The following FOCAD variants were observed in gnomAD, a reference collection of about 807,000 sequenced individuals.
FOCAD encodes focadhesin.
In FOCAD, 198 loss-of-function variants were observed where a neutral mutation model predicts 225.6. The observed-to-expected ratio is 0.88, with a 90% CI of 0.78 to 0.99. FOCAD has a LOEUF of 0.99. Among genes scored for constraint, FOCAD ranks in the 50% least tolerant of loss-of-function variants. FOCAD has a pLI of 0.00. For missense variants in FOCAD, 2,713 were observed against 2,123.6 expected (o/e 1.28, Z -5.46); for synonymous variants, 897 against 755.0 (o/e 1.19, Z -3.08).
intron 2 of FOCAD, among the ~76,000 whole-genome samples, chr9:20,717,047 T>C (rs1444721723): frequency 6.6e-6 from 1 of 152,228 alleles, no homozygotes; most frequent in African/African-American, 2.4e-5. Context: ...TCAGTTCTTA[T>C]TACTATTCCT....
At chr9:20,869,034 G>A (rs1339397742) in intron 18 of FOCAD, among the ~76,000 whole-genome samples, 1 of 152,228 alleles carries the variant, frequency 6.6e-6, no homozygotes, top group African/African-American at 2.4e-5. Flanking sequence ...ATACAGCCTG[G>A]TCGGTGCTTC....
At chr9:20,884,013 T>C (rs1225878700) in intron 20 of FOCAD, among the ~76,000 whole-genome samples, 1 of 152,146 alleles carries the variant, frequency 6.6e-6, no homozygotes, top group Non-Finnish European at 1.5e-5. Context: ...AGTGAGTGTA[T>C]GTGAATACAG....
chr9:20,722,077 G>A (rs191857223), intron 4 of FOCAD, among the ~76,000 whole-genome samples: 348 of 140,286 alleles, frequency 2.5e-3, no homozygotes, highest in African/African-American at 9.0e-3. Flanking sequence ...TTTCCTTTCT[G>A]ACTGGGTCTT....
chr9:20,828,100 C>T (rs1825094669), intron 15 of FOCAD, among the ~76,000 whole-genome samples: 2 of 151,168 alleles, frequency 1.3e-5, no homozygotes, highest in Non-Finnish European at 2.9e-5. Context: ...CTGCAGTGAG[C>T]CATGATTGCG....
chr9:20,905,801 A>G (rs948000290), intron 21 of FOCAD, among the ~76,000 whole-genome samples: 62 of 152,018 alleles, frequency 4.1e-4, no homozygotes, highest in Admixed American at 3.2e-3. Flanking sequence ...CATTCCTTCA[A>G]GGATTTATGT....
chr9:20,916,860 T>C (rs1420760921), intron 23 of FOCAD, 33 bp from the exon 24 acceptor site: 3 of 1,580,854 alleles, frequency 1.9e-6, no homozygotes, highest in African/African-American at 1.4e-5. Context: ...TGTTCTAACA[T>C]AAACTCTCGT....
intron 15 of FOCAD, among the ~76,000 whole-genome samples, chr9:20,859,684 G>C (rs1828578041): frequency 6.9e-6 from 1 of 145,872 alleles, no homozygotes; most frequent in African/African-American, 2.5e-5. Flanking sequence ...TATATATATA[G>C]AATGGAGTAT....
chr9:20,893,606 G>A (rs1029103491), intron 21 of FOCAD, among the ~76,000 whole-genome samples: 1 of 151,994 alleles, frequency 6.6e-6, no homozygotes, highest in Non-Finnish European at 1.5e-5. Context: ...CTTCACAATG[G>A]CTACAACTAC....
chr9:20,805,376 A>G (rs1179324831), intron 11 of FOCAD, among the ~76,000 whole-genome samples: 2 of 152,206 alleles, frequency 1.3e-5, no homozygotes, highest in Non-Finnish European at 2.9e-5. Flanking sequence ...ATTCATTATA[A>G]GCTGTCAATC....
At chr9:20,809,641 A>C (rs1160264979) in intron 11 of FOCAD, among the ~76,000 whole-genome samples, 1 of 152,124 alleles carries the variant, frequency 6.6e-6, no homozygotes, top group Non-Finnish European at 1.5e-5. Flanking sequence ...TTTTGTCTAT[A>C]GAAACGATTT....
chr9:20,894,646 A>G (rs1445065432), intron 21 of FOCAD, among the ~76,000 whole-genome samples: 2 of 151,904 alleles, frequency 1.3e-5, no homozygotes, highest in East Asian at 1.9e-4. Flanking sequence ...CTGTGTGTCT[A>G]TTTCTTTGGC....
intron 15 of FOCAD, among the ~76,000 whole-genome samples, chr9:20,861,583 C>G (rs148094069): frequency 3.9e-5 from 6 of 152,276 alleles, no homozygotes; most frequent in Non-Finnish European, 8.8e-5. Flanking sequence ...TGTCTACTGT[C>G]TTTCCTTTGA....
At chr9:20,823,272 A>C (rs1824521537) in intron 15 of FOCAD, among the ~76,000 whole-genome samples, 157 bp downstream of exon 15, 1 of 152,070 alleles carries the variant, frequency 6.6e-6, no homozygotes, top group Non-Finnish European at 1.5e-5. Context: ...CTACTTTACA[A>C]ATTCTTTCTA....
chr9:20,656,874 G>C (rs1031365253), upstream of FOCAD, among the ~76,000 whole-genome samples: 2 of 152,050 alleles, frequency 1.3e-5, no homozygotes, highest in South Asian at 2.1e-4. Flanking sequence ...TCCTAGTCTT[G>C]ATGGTCTTTA....
At chr9:20,727,182 CT>C (rs1052222525) in intron 4 of FOCAD, among the ~76,000 whole-genome samples, 12 of 151,956 alleles carry the variant, frequency 7.9e-5, no homozygotes, top group Admixed American at 1.3e-4. Context: ...TTCCCCAATC[CT>C]TTTTTTTCCC....
At chr9:20,756,399 T>A (rs1253710263) in intron 5 of FOCAD, among the ~76,000 whole-genome samples, 3 of 152,128 alleles carry the variant, frequency 2.0e-5, no homozygotes, top group Admixed American at 6.5e-5. Flanking sequence ...TACTCTTCTG[T>A]TTTTAAAAGA....
chr9:20,881,861 CCT>C lies in FOCAD; in HGVS notation c.2318-7_2318-6del. The C allele has an allele frequency of 2.5e-6, 4 of 1,610,586 alleles. No individual in the cohort carries two copies. The highest frequency in any genetic ancestry group is 3.4e-6 in the Non-Finnish European group (4 of 1,179,008). The stretch of plus-strand genomic sequence containing the variant: ...TACTCTACTTTTGGTCTCCTTTTAT[CCT>C]CTTTTAGCTTTGGAGGAATTTTTTA... On this transcript the variant is annotated splice_region_variant and splice_polypyrimidine_tract_variant and intron_variant, in intron 19 of 43. Transcript: ENST00000338382.
upstream of FOCAD, among the ~76,000 whole-genome samples, chr9:20,681,877 A>C (rs1822409076): frequency 1.3e-5 from 2 of 152,194 alleles, no homozygotes; most frequent in African/African-American, 4.8e-5. Flanking sequence ...CTAGGCTCCA[A>C]GTTTAATGGT....
intron 6 of FOCAD, among the ~76,000 whole-genome samples, chr9:20,764,297 A>T (rs1412273672): frequency 6.6e-6 from 1 of 152,102 alleles, no homozygotes. Context: ...CTCTGTTGCC[A>T]GGCTGGAGTG....
Sources: allele counts gnomAD v4.1 joint callset (sites outside exome capture counted in the v4.1 genomes callset), GRCh38; gene constraint gnomAD v4.1.1; transcripts MANE v1.5; gene names NCBI Gene and HGNC (gene_info 2026-07-23, HGNC 2026-07-21).